The following DLG2 variants were observed in gnomAD, a reference collection of about 807,000 sequenced individuals.
The protein encoded by DLG2 is disks large homolog 2.
Under a neutral mutation model 132.5 loss-of-function variants are expected in DLG2, and 45 were observed. That is an observed-to-expected ratio of 0.34 (90% confidence interval 0.27 to 0.44). The LOEUF (loss-of-function observed/expected upper bound fraction) is 0.44. Among genes scored for constraint, DLG2 ranks in the 20% least tolerant of loss-of-function variants. The pLI is 1.00. For missense variants in DLG2, 1,045 were observed against 1,196.9 expected (o/e 0.87, Z 1.87); for synonymous variants, 424 against 419.6 (o/e 1.01, Z -0.13).
intron 6 of DLG2, among the ~76,000 whole-genome samples, chr11:84,979,622 C>A (rs1234075798): frequency 1.3e-5 from 2 of 148,948 alleles, no homozygotes; most frequent in African/African-American, 5.0e-5. Flanking sequence ...CACTTGGACA[C>A]AGGAAGGGGA....
intron 3 of DLG2, among the ~76,000 whole-genome samples, chr11:85,416,426 CTG>C (rs2089854331): frequency 6.6e-6 from 1 of 152,098 alleles, no homozygotes; most frequent in Non-Finnish European, 1.5e-5. Context: ...GCTATACAGA[CTG>C]TTTTTTGGTT....
At chr11:84,490,557 C>T (rs1002085156) in intron 7 of DLG2, among the ~76,000 whole-genome samples, 5 of 150,984 alleles carry the variant, frequency 3.3e-5, no homozygotes, top group Non-Finnish European at 5.9e-5. Context: ...AATTTTTGGT[C>T]CCTGGAAATA....
chr11:84,210,874 G>A, intron 8 of DLG2, among the ~76,000 whole-genome samples: 1 of 152,126 alleles, frequency 6.6e-6, no homozygotes, highest in East Asian at 1.9e-4. Context: ...ACTTTCTAGG[G>A]TGATGTCAGT....
At chr11:85,189,036 T>A (rs548604759) in intron 4 of DLG2, among the ~76,000 whole-genome samples, 1 of 151,968 alleles carries the variant, frequency 6.6e-6, no homozygotes, top group African/African-American at 2.4e-5. Flanking sequence ...TCCATCTAAA[T>A]ACATCACAGA....
At chr11:83,476,713 A>G (rs2092646302) in intron 22 of DLG2, among the ~76,000 whole-genome samples, 1 of 152,148 alleles carries the variant, frequency 6.6e-6, no homozygotes, top group Admixed American at 6.6e-5. Flanking sequence ...AAGAGTGAAA[A>G]ATGAATGGGA....
intron 17 of DLG2, among the ~76,000 whole-genome samples, chr11:83,813,456 G>A (rs1029862613): frequency 1.3e-5 from 2 of 152,086 alleles, no homozygotes; most frequent in African/African-American, 2.4e-5. Flanking sequence ...GCCTGCAGAT[G>A]GTCAGCTGGC....
At chr11:84,638,382 T>C (rs1180542739) in intron 6 of DLG2, among the ~76,000 whole-genome samples, 3 of 152,230 alleles carry the variant, frequency 2.0e-5, no homozygotes, top group Non-Finnish European at 4.4e-5. Context: ...GGGTTTACTA[T>C]GTGCCAAGCA....
intron 8 of DLG2, among the ~76,000 whole-genome samples, chr11:84,168,177 C>T (rs572553568): frequency 1.3e-5 from 2 of 152,236 alleles, no homozygotes; most frequent in East Asian, 1.9e-4. Context: ...TTTAAAGAGG[C>T]ACCGAAACAC....
chr11:85,531,739 G>A (rs2075224332), intron 3 of DLG2, among the ~76,000 whole-genome samples: 1 of 152,090 alleles, frequency 6.6e-6, no homozygotes, highest in African/African-American at 2.4e-5. Flanking sequence ...GCGGTGGAGG[G>A]GTGGAGAAAG....
At chr11:85,268,805 A>G (rs962696818) in intron 4 of DLG2, among the ~76,000 whole-genome samples, 2 of 152,248 alleles carry the variant, frequency 1.3e-5, no homozygotes, top group African/African-American at 2.4e-5. Context: ...TGCCTACAAC[A>G]GATAAATACT....
In DLG2 at chr11:84,347,349, T is replaced by C. The variant is rs113452291; in HGVS notation, c.520-96058A>G. Among the ~76,000 whole-genome samples, 5 of 152,324 alleles carry C rather than the reference T, an allele frequency of 3.3e-5. 1 individual carries two copies. Among genetic ancestry groups the C allele is most frequent in the African/African-American group, 1.2e-4 (5 of 41,576 alleles). Reference sequence around the variant, plus strand: ...GTAAGCCATTTACTTGGATTTTCCATTGCTGACCAGTTCTACTTATAATTT... The same window carrying C: ...GTAAGCCATTTACTTGGATTTTCCACTGCTGACCAGTTCTACTTATAATTT... On this transcript the variant is annotated intron_variant, in intron 7 of 27. Coordinates refer to ENST00000376104, the MANE Select transcript of DLG2 (RefSeq NM_001142699.3).
chr11:85,179,314 AG>A (rs1271150669), intron 4 of DLG2, among the ~76,000 whole-genome samples: 1 of 151,858 alleles, frequency 6.6e-6, no homozygotes, highest in Non-Finnish European at 1.5e-5. Flanking sequence ...TAATTACTAA[AG>A]GACGTACTTC....
chr11:84,578,248 A>G (rs1021887474), intron 6 of DLG2, among the ~76,000 whole-genome samples: 2 of 152,134 alleles, frequency 1.3e-5, no homozygotes, highest in Admixed American at 1.3e-4. Context: ...CAAAGTCCCT[A>G]CTGGGGCACT....
At chr11:83,601,510 CTTTT>C (rs71066054) in intron 19 of DLG2, among the ~76,000 whole-genome samples, 189 of 94,560 alleles carry the variant, frequency 2.0e-3, no homozygotes, top group South Asian at 0.014. Context: ...ATGTGATGTT[CTTTT>C]TTTTTTTTTT....
chr11:83,967,651 A>G (rs561496976), intron 12 of DLG2, among the ~76,000 whole-genome samples: 1 of 151,980 alleles, frequency 6.6e-6, no homozygotes, highest in Middle Eastern at 3.2e-3. Context: ...CATCAGATAT[A>G]TGGTTTGCAA....
At chr11:84,106,165 A>G (rs1363460182) in intron 9 of DLG2, among the ~76,000 whole-genome samples, 3 of 152,052 alleles carry the variant, frequency 2.0e-5, no homozygotes, top group Non-Finnish European at 4.4e-5. Context: ...CCAGAAGAAG[A>G]AATGTCCCTT....
At chr11:84,248,686 C>T (rs2097333957) in intron 8 of DLG2, among the ~76,000 whole-genome samples, 2 of 152,110 alleles carry the variant, frequency 1.3e-5, no homozygotes, top group South Asian at 4.2e-4. Context: ...AAAAACTCGT[C>T]TCTACTAAAA....
chr11:83,997,730 C>CAAAAAAAAAAAAAAAAAAAAAAAAAA lies in DLG2; in HGVS notation c.920-17114_920-17089dup, dbSNP rs71066079. Among the ~76,000 whole-genome samples the CAAAAAAAAAAAAAAAAAAAAAAAAAA allele has an allele frequency of 1.2e-4, 3 of 24,774 alleles. 1 individual carries two copies. The highest frequency in any genetic ancestry group is 1.5e-4 in the African/African-American group (1 of 6,710). 16.3% of individuals were successfully genotyped at this position (24,774 alleles called of 152,430 possible). ...TGGGTGACAGAGCAAGACTCCATCT[C>CAAAAAAAAAAAAAAAAAAAAAAAAAA]AAAAAAAAAAAAAAAAAAAAAAAAA... On this transcript the variant is annotated intron_variant, in intron 11 of 27. Coordinates refer to ENST00000376104, the MANE Select transcript of DLG2 (RefSeq NM_001142699.3).
intron 18 of DLG2, among the ~76,000 whole-genome samples, chr11:83,662,106 C>G (rs2074429866): frequency 6.6e-6 from 1 of 152,116 alleles, no homozygotes; most frequent in African/African-American, 2.4e-5. Context: ...AAGTACTTTG[C>G]CACTTATGAC....
Sources: allele counts gnomAD v4.1 joint callset (sites outside exome capture counted in the v4.1 genomes callset), GRCh38; gene constraint gnomAD v4.1.1; transcripts MANE v1.5; gene names NCBI Gene and HGNC (gene_info 2026-07-23, HGNC 2026-07-21).